NPAT: variants seen among roughly 807,000 people sequenced by gnomAD.
NPAT encodes the protein protein NPAT.
NPAT carries 52 observed loss-of-function variants against 130.7 expected under a neutral mutation model. The observed-to-expected ratio is 0.40, with a 90% confidence interval of 0.32 to 0.50. The LOEUF (loss-of-function observed/expected upper bound fraction) is 0.50, where lower values mean the gene tolerates loss of function less well. Among genes scored for constraint, NPAT ranks in the 20% least tolerant of loss-of-function variants. NPAT has a pLI of 0.68. For synonymous variants in NPAT, 580 were observed against 584.8 expected (o/e 0.99, Z 0.12); for missense variants, 1,687 against 1,662.6 (o/e 1.01, Z -0.26).
chr11:108,179,924 C>A (rs1436579250), intron 10 of NPAT, among the ~76,000 whole-genome samples: 1 of 152,148 alleles, frequency 6.6e-6, no homozygotes, highest in Non-Finnish European at 1.5e-5. Flanking sequence ...AGGACTACAT[C>A]CAATGTTAAA....
chr11:108,207,240 A>G (rs926896842), intron 1 of NPAT, among the ~76,000 whole-genome samples: 6 of 152,192 alleles, frequency 3.9e-5, no homozygotes, highest in African/African-American at 1.2e-4. Context: ...GGGAGTAAGT[A>G]TGTGCTGATG....
At chr11:108,164,491 G>C (rs2077882233) in intron 15 of NPAT, among the ~76,000 whole-genome samples, 1 of 152,320 alleles carries the variant, frequency 6.6e-6, no homozygotes, top group South Asian at 2.1e-4. Flanking sequence ...AGGCTGTTTA[G>C]TAAAGGAAGT....
At position 108,188,160 on chromosome 11, in the gene NPAT, G is replaced by C. The variant is rs1255017571; in HGVS notation, c.576C>G (p.Val192=). Reference sequence around the variant, plus strand: ...CTTTCTTTTCCTGAGCACCAGGAATGACATTTAAAGCTTCTCCAGCTGTAT... The same window carrying C: ...CTTTCTTTTCCTGAGCACCAGGAATCACATTTAAAGCTTCTCCAGCTGTAT... The part of the protein sequence containing the change: ...DTVTTGEALN[V]IPGAQEKKAH... Residue 192 remains valine, a synonymous_variant, in exon 7 of 18, where the codon GTC becomes GTG. Coordinates refer to ENST00000278612, the MANE Select transcript of NPAT (RefSeq NM_002519.3). 6.2e-7 allele frequency: 1 copy of C among 1,613,102 alleles called. No homozygotes were observed. Among genetic ancestry groups the C allele is most frequent in the South Asian group, 1.1e-5 (1 of 91,038 alleles).
rs766712073 is a variant in NPAT at position 108,172,655 on chromosome 11, T to C, written c.2329A>G (p.Thr777Ala). The change falls in exon 13 of 18, where the codon ACT becomes GCT. Residue 777 changes from threonine (T) to alanine (A), a missense_variant. Physicochemically the swap from Thr to Ala is moderately conservative, Grantham distance 58. This residue lies in a region of NPAT where 1,379 missense variants were observed against 1,346.6 expected (regional missense o/e 1.02). Coordinates refer to ENST00000278612, the MANE Select transcript of NPAT (RefSeq NM_002519.3). ...NLPTIILSSP[T>A]KSPTKNAELV... ...TCTGCATTTTTAGTAGGTGATTTAG[T>C]AGGAGAAGACAAGATTATAGTTGGC... 1 of 1,614,098 alleles carries C rather than the reference T, an allele frequency of 6.2e-7. No homozygotes were observed. The highest frequency in any genetic ancestry group is 8.5e-7 in the Non-Finnish European group (1 of 1,179,992).
At chr11:108,209,888 CAAAAAAAAA>C (rs58890849) in intron 1 of NPAT, among the ~76,000 whole-genome samples, 1 of 70,804 alleles carries the variant, frequency 1.4e-5, no homozygotes. Flanking sequence ...GACTTCATCT[CAAAAAAAAA>C]AAAAAAAAAA....
chr11:108,170,474 A>G (rs1472641157), intron 13 of NPAT, among the ~76,000 whole-genome samples: 1 of 152,238 alleles, frequency 6.6e-6, no homozygotes, highest in African/African-American at 2.4e-5. Flanking sequence ...ACCCAGGACT[A>G]CACTTGTAAC....
chr11:108,172,676 T>C lies in NPAT; in HGVS notation c.2308A>G (p.Thr770Ala). ...VSSINGENLP[T>A]IILSSPTKSP... ...TTAGTAGGAGAAGACAAGATTATAGTTGGCAGGTTTTCTCCATTAATACTA... is the reference window on the plus strand; with the variant it reads ...TTAGTAGGAGAAGACAAGATTATAGCTGGCAGGTTTTCTCCATTAATACTA... Residue 770 changes from threonine to alanine, a missense_variant, in exon 13 of 18, where the codon ACT becomes GCT. Thr to Ala is a moderately conservative substitution (Grantham distance 58). This residue lies in a region of NPAT where 1,379 missense variants were observed against 1,346.6 expected (regional missense o/e 1.02). Coordinates refer to ENST00000278612, the MANE Select transcript of NPAT (RefSeq NM_002519.3). 1 of 1,614,006 alleles carries C rather than the reference T, an allele frequency of 6.2e-7. No individual in the cohort carries two copies. Among genetic ancestry groups the C allele is most frequent in the South Asian group, 1.1e-5 (1 of 91,080 alleles).
intron 13 of NPAT, among the ~76,000 whole-genome samples, chr11:108,170,441 T>G (rs1329907763): frequency 6.6e-6 from 1 of 152,128 alleles, no homozygotes; most frequent in Non-Finnish European, 1.5e-5. Context: ...ACCAGAAAAT[T>G]ACAACCCCAA....
chr11:108,201,515 G>C (rs2078275258), intron 1 of NPAT, among the ~76,000 whole-genome samples: 1 of 152,184 alleles, frequency 6.6e-6, no homozygotes, highest in Non-Finnish European at 1.5e-5. Context: ...GAATGGCCCA[G>C]GGAGTTCCAA....
At chr11:108,168,506 C>A (rs1016031494) in intron 15 of NPAT, among the ~76,000 whole-genome samples, 1 of 152,064 alleles carries the variant, frequency 6.6e-6, no homozygotes, top group African/African-American at 2.4e-5. Context: ...TAAGGAAAGG[C>A]TGATTTGATA....
At chr11:108,191,653 A>G (rs895836197) in intron 4 of NPAT, among the ~76,000 whole-genome samples, 1 of 152,240 alleles carries the variant, frequency 6.6e-6, no homozygotes, top group East Asian at 1.9e-4. Context: ...TTCATAACAA[A>G]TTCTATAGTC....
Position 108,188,177 on chromosome 11 carries a change from C to G in NPAT, c.559G>C (p.Gly187Arg). The G allele has an allele frequency of 6.2e-7, 1 of 1,612,448 alleles. No homozygotes were observed. The change falls in exon 7 of 18, where the codon GGA (glycine) becomes CGA (arginine). Residue 187 changes from glycine to arginine, a missense_variant and splice_region_variant. This residue lies in a region of NPAT where 307 missense variants were observed against 298.9 expected (regional missense o/e 1.03). Coordinates refer to ENST00000278612, the MANE Select transcript of NPAT (RefSeq NM_002519.3). ...CCAGGAATGACATTTAAAGCTTCTC[C>G]AGCTGTATTTCAAGAAAACATAACA... ...HSQSQDTVTT[G>R]EALNVIPGAQ...
chr11:108,162,448 T>C (rs2077861068), intron 15 of NPAT, among the ~76,000 whole-genome samples: 1 of 152,204 alleles, frequency 6.6e-6, no homozygotes, highest in South Asian at 2.1e-4. Flanking sequence ...TCTGTTTTTC[T>C]GAGACAGAGT....
chr11:108,199,084 G>A lies in NPAT; in HGVS notation c.38-1664C>T, dbSNP rs377614260. 9.2e-5 allele frequency among the ~76,000 whole-genome samples: 14 copies of A among 152,336 alleles called. No homozygotes were observed. In the East Asian group the frequency reaches 1.2e-3, roughly 13 times the overall value. ...GAATGAGCTGTAACACAAACGAGCT[G>A]AAACATGCGCTCCCCTGCCACCTCC... On this transcript the variant is annotated intron_variant, in intron 1 of 17. Transcript: ENST00000278612.
intron 15 of NPAT, among the ~76,000 whole-genome samples, chr11:108,164,950 G>T (rs1282881603): frequency 1.3e-5 from 2 of 152,196 alleles, no homozygotes; most frequent in Non-Finnish European, 2.9e-5. Flanking sequence ...GGTGGAGGTT[G>T]CAGAGAGCTG....
chr11:108,198,435 G>A (rs1256343919), intron 1 of NPAT, among the ~76,000 whole-genome samples: 1 of 152,060 alleles, frequency 6.6e-6, no homozygotes, highest in Non-Finnish European at 1.5e-5. Context: ...AAAATTATGA[G>A]AATAATCTCT....
At chr11:108,195,995 A>G (rs1314247278) in intron 2 of NPAT, among the ~76,000 whole-genome samples, 1 of 152,150 alleles carries the variant, frequency 6.6e-6, no homozygotes, top group African/African-American at 2.4e-5. Context: ...GAATTTGCCT[A>G]ATTTTTGCCT....
rs758931367 is a variant in NPAT, at chr11:108,190,481, T to G, written c.310A>C (p.Arg104=). ...SQIRSMQSSP[R]FAGSQRARTR... is the part of the protein sequence containing the mutation. Reference sequence around the variant, plus strand: ...CAACCTCTCTGACTGCCAGCAAACCTTGGGGAACTTTGCATGCTCCTAACA... The same window carrying G: ...CAACCTCTCTGACTGCCAGCAAACCGTGGGGAACTTTGCATGCTCCTAACA... Residue 104 remains arginine, a synonymous_variant, in exon 5 of 18, where the codon AGG becomes CGG. Transcript: ENST00000278612. 1 of 1,613,880 alleles carries G rather than the reference T, an allele frequency of 6.2e-7. No individual in the cohort carries two copies. The highest frequency in any genetic ancestry group is 2.2e-5 in the East Asian group (1 of 44,880).
intron 4 of NPAT, 85 bp downstream of exon 4, chr11:108,192,033 G>T: frequency 3.3e-6 from 3 of 915,652 alleles, no homozygotes; most frequent in Admixed American, 3.4e-5. Context: ...TGTTATATAA[G>T]TACACTGTGT....
Sources: allele counts gnomAD v4.1 joint callset (sites outside exome capture counted in the v4.1 genomes callset), GRCh38; gene constraint gnomAD v4.1.1; regional missense constraint gnomAD v4.1.1; transcripts MANE v1.5; gene names NCBI Gene and HGNC (gene_info 2026-07-23, HGNC 2026-07-21).